LPP: variants seen among roughly 807,000 people sequenced by gnomAD.
LPP encodes lipoma-preferred partner.
In LPP, 38 loss-of-function variants were observed where a neutral mutation model predicts 60.4. The observed-to-expected ratio is 0.63, with a 90% CI of 0.49 to 0.83. The LOEUF (loss-of-function observed/expected upper bound fraction) is 0.83, where lower values mean the gene tolerates loss of function less well. Ranked by LOEUF, LPP falls within the 40% of genes least tolerant of loss-of-function variation. The probability of loss-of-function intolerance (pLI) is 0.00; values close to 1 mark genes in which losing one functional copy is unlikely to be tolerated. For synonymous variants in LPP, 328 were observed against 290.8 expected, an observed-to-expected ratio of 1.13 and a Z score of -1.30; for missense variants, 902 against 783.6, an observed-to-expected ratio of 1.15 and a Z score of -1.80.
chr3:188,382,674 C>T (rs547743441), intron 3 of LPP, among the ~76,000 whole-genome samples: 58 of 152,286 alleles, frequency 3.8e-4, no homozygotes, highest in African/African-American at 1.3e-3. Flanking sequence ...TAAGACAGTG[C>T]TATGTATATT....
intron 6 of LPP, among the ~76,000 whole-genome samples, chr3:188,548,177 G>T (rs957658771): frequency 5.3e-5 from 8 of 152,158 alleles, no homozygotes; most frequent in Admixed American, 3.9e-4. Flanking sequence ...GATATGGTGT[G>T]GTAGATGGAG....
chr3:188,378,949 T>G (rs1776090600), intron 3 of LPP, among the ~76,000 whole-genome samples: 1 of 152,156 alleles, frequency 6.6e-6, no homozygotes, highest in Non-Finnish European at 1.5e-5. Flanking sequence ...ATTGGATTCC[T>G]GGGGGTGAGA....
At chr3:188,867,608 A>T (rs1578067391) in intron 10 of LPP, among the ~76,000 whole-genome samples, 1 of 152,052 alleles carries the variant, frequency 6.6e-6, no homozygotes, top group East Asian at 1.9e-4. Flanking sequence ...CCTCCCAAAG[A>T]GCTGGTATTA....
chr3:188,287,376 A>G (rs961669690), intron 2 of LPP, among the ~76,000 whole-genome samples: 2 of 152,222 alleles, frequency 1.3e-5, no homozygotes, highest in Non-Finnish European at 2.9e-5. Context: ...TCTATTTAAG[A>G]AACTGAGGTC....
chr3:188,390,675 T>G (rs73891412), intron 3 of LPP, among the ~76,000 whole-genome samples: 19,595 of 151,628 alleles, frequency 0.13, 4,038 homozygotes, highest in African/African-American at 0.44. Flanking sequence ...TTTCAAAGAT[T>G]TTCTTGTCTG....
intron 3 of LPP, among the ~76,000 whole-genome samples, chr3:188,373,667 C>T (rs1418758901): frequency 6.6e-6 from 1 of 152,038 alleles, no homozygotes; most frequent in Non-Finnish European, 1.5e-5. Flanking sequence ...TGCCTGTTCA[C>T]TCTGATGGTA....
At chr3:188,318,776 T>TTTTTTTTTTTTTTTTTTGG in intron 2 of LPP, among the ~76,000 whole-genome samples, 1 of 118,242 alleles carries the variant, frequency 8.5e-6, no homozygotes, top group East Asian at 2.9e-4. Flanking sequence ...TTTTTTTTTT[T>TTTTTTTTTTTTTTTTTTGG]GAGACGGAGT....
At chr3:188,695,173 A>G (rs1862983690) in intron 7 of LPP, among the ~76,000 whole-genome samples, 1 of 152,210 alleles carries the variant, frequency 6.6e-6, no homozygotes, top group African/African-American at 2.4e-5. Flanking sequence ...AGCACTCAGA[A>G]TACCTTATTT....
intron 3 of LPP, among the ~76,000 whole-genome samples, chr3:188,369,931 A>T (rs1772494632): frequency 6.6e-6 from 1 of 152,038 alleles, no homozygotes; most frequent in Admixed American, 6.6e-5. Context: ...GATTATTTCT[A>T]TTTATTTATT....
rs67832532 is a variant in LPP, at chr3:188,438,354, TACACACACACACACACACAC to T, written c.193+32069_193+32088del. Among the ~76,000 whole-genome samples the T allele has an allele frequency of 6.2e-4, 86 of 138,096 alleles. 1 individual carries two copies. The highest frequency in any genetic ancestry group is 2.3e-3 in the African/African-American group (83 of 36,736). The allele number at this position is 138,096 out of a possible 152,430, so 90.6% of individuals were successfully genotyped here. ...GTGTTCCAGACACTATTCCATGCATTACACACACACACACACACACACACACACACACACACACACACACA... is the reference window on the plus strand; with the variant it reads ...GTGTTCCAGACACTATTCCATGCATTACACACACACACACACACACACACA... On this transcript the variant is annotated intron_variant, in intron 4 of 11. Transcript: ENST00000617246.
Position 188,610,241 on chromosome 3 carries a change from C to A in LPP, c.1113+397C>A, listed in dbSNP as rs1843406531. Among the ~76,000 whole-genome samples, 1 of 152,192 alleles carries A rather than the reference C, an allele frequency of 6.6e-6. No homozygotes were observed. The highest frequency in any genetic ancestry group is 2.4e-5 in the African/African-American group (1 of 41,450). The stretch of plus-strand genomic sequence containing the variant: ...GCATTTGCTTGGACATTAAACAGGT[C>A]TGTAGTATCTCAAGCCTCAGCAAGG... On this transcript the variant is annotated intron_variant, in intron 7 of 11. Coordinates refer to ENST00000617246, the MANE Select transcript of LPP (RefSeq NM_001375462.1). The surrounding 1 kb of genome is among the most constrained non-coding windows in gnomAD (Gnocchi z 4.4).
chr3:188,204,954 A>T (rs894319500), intron 1 of LPP, among the ~76,000 whole-genome samples: 1 of 152,154 alleles, frequency 6.6e-6, no homozygotes, highest in African/African-American at 2.4e-5. Flanking sequence ...GCTTGCTATC[A>T]TGTTGTTGGT....
intron 2 of LPP, among the ~76,000 whole-genome samples, chr3:188,279,920 A>G (rs887223707): frequency 6.6e-6 from 1 of 152,224 alleles, no homozygotes; most frequent in Non-Finnish European, 1.5e-5. Flanking sequence ...TTTTAATGAC[A>G]GGTAACTCCA....
intron 7 of LPP, among the ~76,000 whole-genome samples, chr3:188,652,327 A>G (rs562067997): frequency 2.0e-5 from 3 of 152,136 alleles, no homozygotes; most frequent in African/African-American, 4.8e-5. Flanking sequence ...CTTACTTTCA[A>G]CTTTCCTTGG....
intron 2 of LPP, among the ~76,000 whole-genome samples, chr3:188,248,575 T>G (rs922205909): frequency 1.3e-5 from 2 of 149,746 alleles, no homozygotes; most frequent in Non-Finnish European, 3.0e-5. Flanking sequence ...TGTTTCTGTT[T>G]CAACATCAAG....
chr3:188,888,562 A>G lies in LPP; in HGVS notation c.*14083A>G. ...GTTCAGCATACACATCAGCAAAGTG[A>G]GAAGATGAGCACTAAATATAGGCTC... On this transcript the variant is annotated 3_prime_UTR_variant, in exon 12 of 12. Coordinates refer to ENST00000617246, the MANE Select transcript of LPP (RefSeq NM_001375462.1). 1 of 226,772 alleles carries G rather than the reference A, an allele frequency of 4.4e-6. No individual in the cohort carries two copies. Among genetic ancestry groups the G allele is most frequent in the East Asian group, 6.3e-5 (1 of 15,788 alleles). The allele number at this position is 226,772 out of a possible 1,614,324, so 14.0% of individuals were successfully genotyped here.
intron 9 of LPP, among the ~76,000 whole-genome samples, chr3:188,851,032 A>G (rs1762561674): frequency 1.3e-5 from 2 of 152,224 alleles, no homozygotes; most frequent in African/African-American, 4.8e-5. Context: ...GGAAGAAGAT[A>G]TTTATGTCAA....
At chr3:188,206,045 G>A (rs1733112691) in intron 1 of LPP, among the ~76,000 whole-genome samples, 1 of 152,110 alleles carries the variant, frequency 6.6e-6, no homozygotes, top group Non-Finnish European at 1.5e-5. Flanking sequence ...CAGCACAAGG[G>A]GACACAAAGT....
chr3:188,585,603 C>A (rs554491154), intron 6 of LPP, among the ~76,000 whole-genome samples: 1 of 152,332 alleles, frequency 6.6e-6, no homozygotes, highest in East Asian at 1.9e-4. Context: ...AAAGCTTAGA[C>A]ATACATACTG....
Sources: gnomAD v4.1 joint callset for allele counts (sites outside exome capture counted in the v4.1 genomes callset) on GRCh38, gnomAD v4.1.1 for gene constraint, Gnocchi (gnomAD v3.1) non-coding constraint, MANE v1.5 for transcripts, NCBI Gene and HGNC (gene_info 2026-07-23, HGNC 2026-07-21) for gene names.